MINDY3: variants seen among roughly 807,000 people sequenced by gnomAD.
MINDY3 encodes the protein MINDY lysine 48 deubiquitinase 3, also known as ubiquitin carboxyl-terminal hydrolase MINDY-3.
In MINDY3, 38 loss-of-function variants were observed where a neutral mutation model predicts 69.2. The observed-to-expected ratio is 0.55, with a 90% CI of 0.42 to 0.72. MINDY3 has a LOEUF of 0.72. Ranked by LOEUF, MINDY3 falls within the 30% of genes least tolerant of loss-of-function variation. The pLI is 0.00. For synonymous variants in MINDY3, 192 were observed against 180.1 expected (o/e 1.07, Z -0.53); for missense variants, 522 against 519.0 (o/e 1.01, Z -0.06).
intron 8 of MINDY3, among the ~76,000 whole-genome samples, chr10:15,824,829 T>C (rs988262060): frequency 1.3e-5 from 2 of 152,220 alleles, no homozygotes; most frequent in African/African-American, 4.8e-5. Context: ...TCTTGGGTAA[T>C]GAACTATTTA....
chr10:15,807,646 C>T (rs1838728212), intron 10 of MINDY3, among the ~76,000 whole-genome samples: 1 of 152,052 alleles, frequency 6.6e-6, no homozygotes, highest in Non-Finnish European at 1.5e-5. Context: ...GGCTTCATTC[C>T]TAACAGAATA....
At chr10:15,842,958 T>C (rs1833580999) in intron 3 of MINDY3, among the ~76,000 whole-genome samples, 1 of 150,392 alleles carries the variant, frequency 6.6e-6, no homozygotes, top group African/African-American at 2.4e-5. Flanking sequence ...CACCTAACAG[T>C]TCTAGGAAAT....
At chr10:15,798,559 C>A (rs1331784374) in intron 10 of MINDY3, among the ~76,000 whole-genome samples, 1 of 150,662 alleles carries the variant, frequency 6.6e-6, no homozygotes, top group Non-Finnish European at 1.5e-5. Flanking sequence ...GGGCAGATAA[C>A]GAGGTCAGGA....
At chr10:15,827,927 C>G (rs745426134) in intron 8 of MINDY3, among the ~76,000 whole-genome samples, 2 of 152,140 alleles carry the variant, frequency 1.3e-5, no homozygotes, top group South Asian at 4.1e-4. Flanking sequence ...CAGAAAAATA[C>G]GAACTCTCCT....
Position 15,782,675 on chromosome 10 carries a change from G to A in MINDY3, c.1117-449C>T, listed in dbSNP as rs191147578. Among the ~76,000 whole-genome samples, 937 of 152,148 alleles carry A rather than the reference G, an allele frequency of 6.2e-3. 3 individuals are homozygous for A. The highest frequency in any genetic ancestry group is 0.014 in the Middle Eastern group (4 of 292). On this transcript the variant is annotated intron_variant, in intron 13 of 14. Coordinates refer to ENST00000277632, the MANE Select transcript of MINDY3 (RefSeq NM_024948.4). ...CAATACTTCCAATTTGGCCCACGATGTTTAATTAGTGGTTTCTTTTCCAAA... is the reference window on the plus strand; with the variant it reads ...CAATACTTCCAATTTGGCCCACGATATTTAATTAGTGGTTTCTTTTCCAAA...
intron 10 of MINDY3, among the ~76,000 whole-genome samples, chr10:15,803,846 A>G (rs934088982): frequency 6.6e-6 from 1 of 151,986 alleles, no homozygotes; most frequent in African/African-American, 2.4e-5. Flanking sequence ...CACACAAAAA[A>G]CCCCACGAAT....
intron 8 of MINDY3, among the ~76,000 whole-genome samples, chr10:15,826,400 T>C (rs1840087061): frequency 6.6e-6 from 1 of 152,212 alleles, no homozygotes; most frequent in African/African-American, 2.4e-5. Context: ...ATCAAGTATA[T>C]GGATTCAGGA....
intron 10 of MINDY3, among the ~76,000 whole-genome samples, chr10:15,811,006 G>A (rs1410094122): frequency 1.3e-5 from 2 of 152,032 alleles, no homozygotes; most frequent in East Asian, 3.9e-4. Flanking sequence ...ACACCCACTA[G>A]GATGATTATA....
chr10:15,800,188 T>C (rs990978511), intron 10 of MINDY3, among the ~76,000 whole-genome samples: 12 of 152,108 alleles, frequency 7.9e-5, no homozygotes, highest in African/African-American at 2.9e-4. Context: ...AAATTAAGTA[T>C]GCCATGCATG....
At chr10:15,859,822 C>G (rs1834962719) in intron 1 of MINDY3, among the ~76,000 whole-genome samples, 1 of 152,186 alleles carries the variant, frequency 6.6e-6, no homozygotes, top group African/African-American at 2.4e-5. Context: ...CAACCACCAC[C>G]AATAGACAGC....
Position 15,821,660 on chromosome 10 carries a change from C to T in MINDY3, c.797G>A (p.Cys266Tyr). 1 of 1,606,978 alleles carries T rather than the reference C, an allele frequency of 6.2e-7. No homozygotes were observed. Among genetic ancestry groups the T allele is most frequent in the Non-Finnish European group, 8.5e-7 (1 of 1,175,600 alleles). ...GTACCTTAAAAATCAATTTACCTTA[C>T]AGTATCTTAAAGCTTCCATTAGTGT... ...FLTLMEALRY[C>Y]KVGSYLKSPK... The change falls in exon 9 of 15, where the codon TGT becomes TAT. Residue 266 changes from cysteine to tyrosine, a missense_variant. By Grantham distance (194) the Cys-to-Tyr change is radical. Coordinates refer to ENST00000277632, the MANE Select transcript of MINDY3 (RefSeq NM_024948.4).
chr10:15,803,862 T>G (rs1370557203), intron 10 of MINDY3, among the ~76,000 whole-genome samples: 2 of 152,064 alleles, frequency 1.3e-5, no homozygotes, highest in Non-Finnish European at 2.9e-5. Context: ...CGAATGATAA[T>G]TAAGTAAAGG....
At chr10:15,835,999 C>A (rs1372531663) in intron 6 of MINDY3, among the ~76,000 whole-genome samples, 1 of 152,018 alleles carries the variant, frequency 6.6e-6, no homozygotes, top group Non-Finnish European at 1.5e-5. Context: ...TCTTGTCACT[C>A]CCTTGTTCAA....
At position 15,796,003 on chromosome 10, in the gene MINDY3, A is replaced by G. The variant is rs1049011731; in HGVS notation, c.955+97T>C. The stretch of plus-strand genomic sequence containing the variant: ...AGAAACACAACTTACATTTCATTAA[A>G]TAATCCAATATATCTTTTGAATAAA... On this transcript the variant is annotated intron_variant, in intron 11 of 14. Coordinates refer to ENST00000277632, the MANE Select transcript of MINDY3 (RefSeq NM_024948.4). 15 of 920,162 alleles carry G rather than the reference A, an allele frequency of 1.6e-5. No individual in the cohort carries two copies. The African/African-American group carries it at 2.5e-4, about 15-fold the overall frequency. The allele number at this position is 920,162 out of a possible 1,614,324, so 57.0% of individuals were successfully genotyped here.
At chr10:15,802,557 G>A (rs1336036788) in intron 10 of MINDY3, among the ~76,000 whole-genome samples, 1 of 152,108 alleles carries the variant, frequency 6.6e-6, no homozygotes, top group Non-Finnish European at 1.5e-5. Flanking sequence ...TACTATGCGA[G>A]ATGAGATCTG....
intron 8 of MINDY3, among the ~76,000 whole-genome samples, chr10:15,823,258 C>T (rs1296632739): frequency 6.6e-6 from 1 of 152,126 alleles, no homozygotes; most frequent in Non-Finnish European, 1.5e-5. Flanking sequence ...AGCAATGGTT[C>T]TTCAATTGTG....
chr10:15,860,123 G>A (rs886760649), intron 1 of MINDY3, 83 bp downstream of exon 1: 6 of 1,030,112 alleles, frequency 5.8e-6, no homozygotes, highest in African/African-American at 3.2e-5. Flanking sequence ...GCACGCGAGG[G>A]GCTGGAGCGA....
At chr10:15,833,876 G>T (rs946041353) in intron 7 of MINDY3, among the ~76,000 whole-genome samples, 167 bp from the exon 8 acceptor site, 1 of 151,924 alleles carries the variant, frequency 6.6e-6, no homozygotes, top group Admixed American at 6.6e-5. Flanking sequence ...CTTGCTAAAT[G>T]TATCACCAAA....
At chr10:15,816,260 C>CAAAAA (rs1164005904) in intron 10 of MINDY3, among the ~76,000 whole-genome samples, 5 of 26,692 alleles carry the variant, frequency 1.9e-4, no homozygotes, top group East Asian at 8.0e-4. Flanking sequence ...GACTCCATCT[C>CAAAAA]AAAAAAAAAA....
Sources: gnomAD v4.1 joint callset for allele counts (sites outside exome capture counted in the v4.1 genomes callset) on GRCh38, gnomAD v4.1.1 for gene constraint, MANE v1.5 for transcripts, NCBI Gene and HGNC (gene_info 2026-07-23, HGNC 2026-07-21) for gene names.